The following LRRTM3 variants were observed in gnomAD, a reference collection of about 807,000 sequenced individuals.
LRRTM3 encodes leucine-rich repeat transmembrane neuronal protein 3.
A neutral mutation model predicts 44.7 loss-of-function variants in LRRTM3; 24 were observed. The ratio of observed to expected loss-of-function variants is 0.54; its 90% CI spans 0.39 to 0.76. The LOEUF is 0.76. Among genes scored for constraint, LRRTM3 ranks in the 30% least tolerant of loss-of-function variants. The pLI is 0.00. For synonymous variants in LRRTM3, 277 were observed against 278.7 expected (o/e 0.99, Z 0.06); for missense variants, 587 against 702.2 (o/e 0.84, Z 1.85).
chr10:67,046,992 T>G (rs922012065), intron 2 of LRRTM3, among the ~76,000 whole-genome samples: 1 of 152,130 alleles, frequency 6.6e-6, no homozygotes, highest in Non-Finnish European at 1.5e-5. Context: ...AGAAAAGAAA[T>G]AGTCTAATGT....
At chr10:67,057,935 C>G (rs1291460539) in intron 2 of LRRTM3, among the ~76,000 whole-genome samples, 1 of 152,174 alleles carries the variant, frequency 6.6e-6, no homozygotes, top group Non-Finnish European at 1.5e-5. Context: ...TCAAGGATAT[C>G]ACTTTGCAGA....
At chr10:67,072,620 C>A (rs554711031) in intron 2 of LRRTM3, among the ~76,000 whole-genome samples, 1 of 152,272 alleles carries the variant, frequency 6.6e-6, no homozygotes, top group African/African-American at 2.4e-5. Context: ...GGAATGTAGT[C>A]TTCCCCTTGT....
At chr10:67,023,314 G>A (rs1853146527) in intron 2 of LRRTM3, among the ~76,000 whole-genome samples, 1 of 152,134 alleles carries the variant, frequency 6.6e-6, no homozygotes, top group African/African-American at 2.4e-5. Context: ...TCTATGTAGA[G>A]TAGAATAAGA....
At chr10:67,081,259 C>T (rs73256496) in intron 2 of LRRTM3, among the ~76,000 whole-genome samples, 9,877 of 152,144 alleles carry the variant, frequency 0.065, 386 homozygotes, top group South Asian at 0.19. Context: ...TCTCTAAGCT[C>T]ATTTCAGGTA....
intron 2 of LRRTM3, among the ~76,000 whole-genome samples, chr10:67,053,955 T>A (rs565301226): frequency 2.6e-4 from 39 of 152,098 alleles, no homozygotes; most frequent in African/African-American, 9.2e-4. Flanking sequence ...CCTAATGACC[T>A]TATGTCATCC....
At chr10:67,095,308 A>C (rs1468653983) in intron 2 of LRRTM3, among the ~76,000 whole-genome samples, 1 of 151,770 alleles carries the variant, frequency 6.6e-6, no homozygotes, top group Non-Finnish European at 1.5e-5. Context: ...GTTGCTTATA[A>C]GTTCCATCCT....
chr10:67,029,293 C>T (rs1208217034), intron 2 of LRRTM3, among the ~76,000 whole-genome samples: 1 of 152,108 alleles, frequency 6.6e-6, no homozygotes, highest in Admixed American at 6.5e-5. Context: ...ACAATTAAAA[C>T]AAATCCCAAA....
intron 2 of LRRTM3, among the ~76,000 whole-genome samples, chr10:66,948,937 A>G (rs1398824008): frequency 6.6e-6 from 1 of 152,194 alleles, no homozygotes; most frequent in Middle Eastern, 3.2e-3. Flanking sequence ...AATTTTGAGA[A>G]CAAAGACATA....
intron 2 of LRRTM3, among the ~76,000 whole-genome samples, chr10:66,985,154 G>T (rs917536053): frequency 2.6e-5 from 4 of 152,016 alleles, no homozygotes; most frequent in East Asian, 1.9e-4. Flanking sequence ...CACCACAAAG[G>T]TATTTCCTAC....
chr10:66,933,992 T>G (rs1847552161), intron 2 of LRRTM3, among the ~76,000 whole-genome samples: 1 of 152,086 alleles, frequency 6.6e-6, no homozygotes, highest in Non-Finnish European at 1.5e-5. Flanking sequence ...TTTTCTGACA[T>G]TTTAACTTCA....
chr10:67,042,775 A>G (rs2133152269), intron 2 of LRRTM3, among the ~76,000 whole-genome samples: 1 of 152,274 alleles, frequency 6.6e-6, no homozygotes, highest in Non-Finnish European at 1.5e-5. Flanking sequence ...TGGATTCAGA[A>G]CAAAGAAGTC....
intron 2 of LRRTM3, among the ~76,000 whole-genome samples, chr10:67,084,816 T>C (rs1857216595): frequency 6.6e-6 from 1 of 152,010 alleles, no homozygotes; most frequent in South Asian, 2.1e-4. Context: ...TTAAGGTTCA[T>C]CCTTTCCTTC....
At chr10:67,063,055 G>A (rs978545169) in intron 2 of LRRTM3, among the ~76,000 whole-genome samples, 17 of 151,926 alleles carry the variant, frequency 1.1e-4, no homozygotes, top group African/African-American at 4.1e-4. Context: ...CTTCTGACTT[G>A]AAATATTAAG....
At chr10:66,930,331 A>G (rs1847304780) in intron 2 of LRRTM3, among the ~76,000 whole-genome samples, 1 of 152,208 alleles carries the variant, frequency 6.6e-6, no homozygotes, top group East Asian at 1.9e-4. Context: ...CATATTTCCA[A>G]TGGATTAATA....
intron 2 of LRRTM3, among the ~76,000 whole-genome samples, chr10:66,935,171 T>C (rs986192848): frequency 2.6e-5 from 4 of 152,114 alleles, no homozygotes; most frequent in Non-Finnish European, 5.9e-5. Context: ...TAATATTTGA[T>C]GCAGTCAACC....
intron 2 of LRRTM3, among the ~76,000 whole-genome samples, chr10:67,069,688 G>A (rs537846976): frequency 6.6e-6 from 1 of 151,622 alleles, no homozygotes; most frequent in East Asian, 1.9e-4. Flanking sequence ...ATACTCTGTT[G>A]TGTCTGAATG....
chr10:67,067,885 C>T (rs1340761289), intron 2 of LRRTM3, among the ~76,000 whole-genome samples: 1 of 152,132 alleles, frequency 6.6e-6, no homozygotes, highest in African/African-American at 2.4e-5. Flanking sequence ...AAAGTATGTA[C>T]AGGGTCCATT....
chr10:67,009,973 T>C (rs1021282761), intron 2 of LRRTM3, among the ~76,000 whole-genome samples: 4 of 152,204 alleles, frequency 2.6e-5, no homozygotes, highest in Non-Finnish European at 4.4e-5. Context: ...CATTCTAGTA[T>C]AGATTCTTCT....
chr10:66,954,026 A>G (rs1848671313), intron 2 of LRRTM3, among the ~76,000 whole-genome samples: 1 of 152,206 alleles, frequency 6.6e-6, no homozygotes, highest in South Asian at 2.1e-4. Context: ...AGTGCTCGCA[A>G]ATACTAGCTG....
Sources: gnomAD v4.1 joint callset for allele counts (sites outside exome capture counted in the v4.1 genomes callset) on GRCh38, gnomAD v4.1.1 for gene constraint, MANE v1.5 for transcripts, NCBI Gene and HGNC (gene_info 2026-07-23, HGNC 2026-07-21) for gene names.